The following GABRB1 variants were observed in gnomAD, a reference collection of about 807,000 sequenced individuals.
GABRB1 encodes the protein gamma-aminobutyric acid receptor subunit beta-1.
A neutral mutation model predicts 51.6 loss-of-function variants in GABRB1; 17 were observed. That is an observed-to-expected ratio of 0.33 (90% CI 0.23 to 0.49). The LOEUF is 0.49. Ranked by LOEUF, GABRB1 falls within the 20% of genes least tolerant of loss-of-function variation. The pLI, the probability that GABRB1 is intolerant of heterozygous loss-of-function variation, is 0.99. For synonymous variants in GABRB1, 247 were observed against 218.9 expected, an observed-to-expected ratio of 1.13 and a Z score of -1.14; for missense variants, 410 against 600.6, an observed-to-expected ratio of 0.68 and a Z score of 3.32.
At chr4:47,381,474 G>A (rs577007154) in intron 5 of GABRB1, among the ~76,000 whole-genome samples, 5 of 152,290 alleles carry the variant, frequency 3.3e-5, no homozygotes, top group South Asian at 2.1e-4. Flanking sequence ...CTCCCCGTGC[G>A]TGTTCATAAT....
intron 4 of GABRB1, among the ~76,000 whole-genome samples, chr4:47,246,352 A>G (rs1439112711): frequency 5.1e-5 from 1 of 19,458 alleles, no homozygotes; most frequent in African/African-American, 3.3e-4. Flanking sequence ...ATATATATAT[A>G]TATATATATA....
chr4:47,120,910 G>T (rs554497953), intron 3 of GABRB1, among the ~76,000 whole-genome samples: 6 of 152,192 alleles, frequency 3.9e-5, no homozygotes, highest in South Asian at 4.1e-4. Context: ...AGACTTTTCG[G>T]ATCTATGAGC....
intron 4 of GABRB1, among the ~76,000 whole-genome samples, chr4:47,164,759 A>G (rs1306157976): frequency 2.6e-5 from 4 of 152,078 alleles, no homozygotes; most frequent in African/African-American, 9.7e-5. Context: ...AACTATGTCA[A>G]TTCATATTTT....
chr4:47,105,393 G>A (rs1714918407), intron 3 of GABRB1, among the ~76,000 whole-genome samples: 1 of 152,094 alleles, frequency 6.6e-6, no homozygotes, highest in Non-Finnish European at 1.5e-5. Flanking sequence ...TATTAGACCA[G>A]TGGTGTAGGA....
intron 4 of GABRB1, among the ~76,000 whole-genome samples, chr4:47,289,229 A>G (rs568615164): frequency 6.6e-6 from 1 of 152,178 alleles, no homozygotes; most frequent in East Asian, 1.9e-4. Flanking sequence ...GGAATGCCAC[A>G]TTTTCAAAAG....
intron 3 of GABRB1, among the ~76,000 whole-genome samples, chr4:47,083,160 A>G (rs1248057757): frequency 6.6e-6 from 1 of 152,160 alleles, no homozygotes; most frequent in Non-Finnish European, 1.5e-5. Context: ...ACAACATTGG[A>G]TAAATTTAGG....
chr4:47,391,025 A>C (rs61328962), intron 5 of GABRB1, among the ~76,000 whole-genome samples: 2,377 of 152,098 alleles, frequency 0.016, 64 homozygotes, highest in African/African-American at 0.055. Flanking sequence ...AGAATACAAA[A>C]ATTAGCAGGG....
chr4:47,350,208 T>TAGAGAGAG (rs1352652990), intron 5 of GABRB1, among the ~76,000 whole-genome samples: 15 of 91,902 alleles, frequency 1.6e-4, no homozygotes, highest in South Asian at 7.4e-4. Context: ...TATATATATA[T>TAGAGAGAG]ATATATATAT....
At position 47,241,155 on chromosome 4, in the gene GABRB1, A is replaced by G. The variant is rs143690095; in HGVS notation, c.462-78972A>G. The stretch of plus-strand genomic sequence containing the variant: ...TAGTTTTACAGGTTATTTTTCCAGT[A>G]AAAAAAATAAAACCTGAAAATCTGT... On this transcript the variant is annotated intron_variant, in intron 4 of 8. Transcript: ENST00000295454. 2.0e-5 allele frequency among the ~76,000 whole-genome samples: 3 copies of G among 152,132 alleles called. No homozygotes were observed. In the East Asian group the frequency reaches 5.8e-4, roughly 29 times the overall value.
intron 4 of GABRB1, among the ~76,000 whole-genome samples, chr4:47,314,667 C>T (rs1486782270): frequency 6.6e-6 from 1 of 151,892 alleles, no homozygotes; most frequent in Non-Finnish European, 1.5e-5. Context: ...TGATGCTTGA[C>T]AAAGTTGACA....
chr4:47,376,675 G>A, intron 5 of GABRB1, among the ~76,000 whole-genome samples: 1 of 152,088 alleles, frequency 6.6e-6, no homozygotes, highest in Admixed American at 6.6e-5. Context: ...AGAAGCCATA[G>A]ATGATCTCAG....
intron 1 of GABRB1, among the ~76,000 whole-genome samples, chr4:47,002,679 C>A (rs1397140819): frequency 6.6e-6 from 1 of 152,076 alleles, no homozygotes; most frequent in African/African-American, 2.4e-5. Context: ...TACTAGCCTG[C>A]CATCAAACCA....
At chr4:47,116,416 A>T (rs1471499635) in intron 3 of GABRB1, among the ~76,000 whole-genome samples, 1 of 152,156 alleles carries the variant, frequency 6.6e-6, no homozygotes, top group Non-Finnish European at 1.5e-5. Flanking sequence ...AAGATGTGTA[A>T]AAACCATTTC....
chr4:47,031,576 T>TTAC lies in GABRB1; in HGVS notation c.-74_-72dup. ...GCGCATGCGCAGGTCCATTCGGGAATTACTGCCCAGCAGCCGACTAAGTTG... is the reference window on the plus strand; with the variant it reads ...GCGCATGCGCAGGTCCATTCGGGAATTACTACTGCCCAGCAGCCGACTAAGTTG... On this transcript the variant is annotated 5_prime_UTR_variant, in exon 1 of 9. Transcript: ENST00000295454. 7.9e-7 allele frequency: 1 copy of TTAC among 1,263,384 alleles called. No homozygotes were observed. Among genetic ancestry groups the TTAC allele is most frequent in the South Asian group, 1.2e-5 (1 of 83,142 alleles). 78.3% of individuals were successfully genotyped at this position (1,263,384 alleles called of 1,614,324 possible).
At chr4:47,193,479 T>C (rs1719527106) in intron 4 of GABRB1, among the ~76,000 whole-genome samples, 1 of 152,224 alleles carries the variant, frequency 6.6e-6, no homozygotes, top group Non-Finnish European at 1.5e-5. Context: ...CCAGTCTTCA[T>C]GCAGTCTGTA....
intron 8 of GABRB1, among the ~76,000 whole-genome samples, chr4:47,407,309 C>T (rs1375859404): frequency 1.3e-5 from 2 of 152,212 alleles, no homozygotes; most frequent in African/African-American, 4.8e-5. Context: ...GCCTGGTTTT[C>T]ATTCCCAGTT....
rs1722733223 is a variant in GABRB1, at chr4:47,268,590, C to G, written c.462-51537C>G. ...TCGCTAAGCTCCCCAAATCATAATC[C>G]CCATTACTTAGTCATTAATGCATCC... On this transcript the variant is annotated intron_variant, in intron 4 of 8. Coordinates refer to ENST00000295454, the MANE Select transcript of GABRB1 (RefSeq NM_000812.4). Among the ~76,000 whole-genome samples the G allele has an allele frequency of 2.0e-5, 3 of 152,040 alleles. No individual in the cohort carries two copies. In the South Asian group the frequency reaches 6.2e-4, roughly 32 times the overall value.
chr4:47,135,062 G>A (rs776630599), intron 3 of GABRB1, among the ~76,000 whole-genome samples: 5 of 152,194 alleles, frequency 3.3e-5, no homozygotes, highest in Non-Finnish European at 7.3e-5. Context: ...CAAGGCTGCA[G>A]TGAGCTATGA....
intron 4 of GABRB1, among the ~76,000 whole-genome samples, chr4:47,178,061 A>G (rs1274819371): frequency 6.6e-6 from 1 of 152,078 alleles, no homozygotes; most frequent in Non-Finnish European, 1.5e-5. Flanking sequence ...TTTGGATATG[A>G]TTACCTAAGT....
Sources: gnomAD v4.1 joint callset for allele counts (sites outside exome capture counted in the v4.1 genomes callset) on GRCh38, gnomAD v4.1.1 for gene constraint, MANE v1.5 for transcripts, NCBI Gene and HGNC (gene_info 2026-07-23, HGNC 2026-07-21) for gene names.